MAEA: variants seen among roughly 807,000 people sequenced by gnomAD.
The protein encoded by MAEA is macrophage erythroblast attacher, E3 ubiquitin ligase, also known as E3 ubiquitin-protein transferase MAEA.
In MAEA, 22 loss-of-function variants were observed where a neutral mutation model predicts 46.2. The ratio of observed to expected loss-of-function variants is 0.48; its 90% CI spans 0.34 to 0.68. The LOEUF (loss-of-function observed/expected upper bound fraction) is 0.68, where lower values mean the gene tolerates loss of function less well. MAEA is among the 30% of genes least tolerant of loss of function. MAEA has a pLI of 0.01. For synonymous variants in MAEA, 246 were observed against 222.6 expected (o/e 1.11, Z -0.94); for missense variants, 393 against 558.1 (o/e 0.70, Z 2.98).
At chr4:1,321,057 G>A (rs192602740) in intron 3 of MAEA, among the ~76,000 whole-genome samples, 17 of 152,248 alleles carry the variant, frequency 1.1e-4, no homozygotes, top group East Asian at 1.9e-4. Context: ...TGGAGATTGC[G>A]CCACTGCACT....
intron 3 of MAEA, 101 bp downstream of exon 3, chr4:1,315,701 C>G: frequency 2.7e-6 from 3 of 1,098,132 alleles, no homozygotes; most frequent in Non-Finnish European, 4.0e-6. Context: ...TCCCTACATG[C>G]TTGTGTTCCC....
intron 5 of MAEA, chr4:1,330,310 T>TTCTCTCTCTCTCTGTC (rs1553868467): frequency 7.7e-6 from 1 of 130,244 alleles, no homozygotes; most frequent in East Asian, 2.0e-4. Flanking sequence ...TTCTGGGTGT[T>TTCTCTCTCTCTCTGTC]TCTCTCTCTC....
chr4:1,324,641 G>T (rs1307246940), intron 4 of MAEA, among the ~76,000 whole-genome samples: 1 of 139,506 alleles, frequency 7.2e-6, no homozygotes. Flanking sequence ...CCTGGTGTTG[G>T]ATGAGTTGAG....
chr4:1,333,341 CAAA>C (rs113840820), intron 6 of MAEA, among the ~76,000 whole-genome samples: 1 of 133,638 alleles, frequency 7.5e-6, no homozygotes, highest in African/African-American at 2.8e-5. Flanking sequence ...ACCTTGTCTC[CAAA>C]AAAAAAAAAA....
intron 2 of MAEA, 82 bp from the exon 3 acceptor site, chr4:1,315,315 G>A: frequency 7.5e-7 from 1 of 1,324,772 alleles, no homozygotes; most frequent in Middle Eastern, 1.9e-4. Context: ...TGAGTGTTGT[G>A]GATTGGGGCA....
rs142421960 is a variant in MAEA, at chr4:1,321,179, G to A, written c.457-1202G>A. On this transcript the variant is annotated intron_variant, in intron 3 of 8. Coordinates refer to ENST00000303400, the MANE Select transcript of MAEA (RefSeq NM_001017405.3). ...AAGAATAATCAACATGCAAGAAAAC[G>A]CTATGAAGGGGCTTCAGAAAAGAAA... Among the ~76,000 whole-genome samples the A allele has an allele frequency of 2.8e-3, 419 of 151,896 alleles. 3 individuals carry two copies. The highest frequency in any genetic ancestry group is 9.6e-3 in the African/African-American group (396 of 41,432).
intron 2 of MAEA, 185 bp downstream of exon 2, chr4:1,312,346 A>G (rs1305422861): frequency 5.0e-6 from 3 of 602,430 alleles, no homozygotes; most frequent in African/African-American, 1.9e-5. Context: ...CTGTTCCTGT[A>G]GGGACCGTGT....
At chr4:1,304,714 C>T (rs1577149746) in intron 1 of MAEA, among the ~76,000 whole-genome samples, 1 of 152,274 alleles carries the variant, frequency 6.6e-6, no homozygotes, top group African/African-American at 2.4e-5. Context: ...GCTGGGATTA[C>T]AGGCATGAAC....
At chr4:1,304,156 G>A (rs1048367072) in intron 1 of MAEA, among the ~76,000 whole-genome samples, 4 of 152,318 alleles carry the variant, frequency 2.6e-5, no homozygotes, top group South Asian at 2.1e-4. Context: ...TCTGTGAGCC[G>A]CATGTGGCTG....
Position 1,303,016 on chromosome 4 carries a change from A to C in MAEA, c.70-8963A>C, listed in dbSNP as rs192264318. Among the ~76,000 whole-genome samples, 500 of 152,156 alleles carry C rather than the reference A, an allele frequency of 3.3e-3. 3 individuals are homozygous for C. The highest frequency in any genetic ancestry group is 5.2e-3 in the Non-Finnish European group (354 of 67,996). Reference sequence around the variant, plus strand: ...TCGGAAAACAACCTGGCCGTTCTTCAGGTGACACACGGAGTTACCATAGGA... The same window carrying C: ...TCGGAAAACAACCTGGCCGTTCTTCCGGTGACACACGGAGTTACCATAGGA... On this transcript the variant is annotated intron_variant, in intron 1 of 8. Transcript: ENST00000303400.
At chr4:1,317,282 C>A (rs190373078) in intron 3 of MAEA, among the ~76,000 whole-genome samples, 315 of 141,992 alleles carry the variant, frequency 2.2e-3, no homozygotes, top group Non-Finnish European at 3.5e-3. Context: ...ACTCCAGACT[C>A]ACCTGCAGGC....
At chr4:1,336,399 C>T (rs543127935) in intron 6 of MAEA, among the ~76,000 whole-genome samples, 1 of 152,218 alleles carries the variant, frequency 6.6e-6, no homozygotes, top group East Asian at 1.9e-4. Flanking sequence ...CAGCACTCAC[C>T]CCACAGCATG....
intron 1 of MAEA, chr4:1,310,140 C>G (rs574661359): frequency 1.9e-6 from 1 of 513,852 alleles, no homozygotes; most frequent in Non-Finnish European, 2.5e-6. Context: ...TGCCTTGCGT[C>G]CTTTAGAAAT....
chr4:1,297,486 G>T (rs1456921197), intron 1 of MAEA, among the ~76,000 whole-genome samples: 1 of 121,476 alleles, frequency 8.2e-6, no homozygotes, highest in Admixed American at 7.6e-5. Flanking sequence ...CATACATATA[G>T]AGAGAGAGCA....
At chr4:1,317,743 C>T (rs1305322560) in intron 3 of MAEA, among the ~76,000 whole-genome samples, 1 of 152,206 alleles carries the variant, frequency 6.6e-6, no homozygotes, top group East Asian at 1.9e-4. Context: ...ACAGCTGTGC[C>T]ATGAGTTGAT....
intron 4 of MAEA, chr4:1,323,617 C>T: frequency 1.4e-6 from 1 of 702,526 alleles, no homozygotes; most frequent in South Asian, 1.5e-5. Context: ...TGGTATGTAA[C>T]CTGCGGCCCC....
intron 1 of MAEA, chr4:1,298,123 T>A: frequency 2.2e-6 from 1 of 454,956 alleles, no homozygotes; most frequent in Non-Finnish European, 4.4e-6. Flanking sequence ...CAGGTACTGT[T>A]CCATATGCCC....
Position 1,326,630 on chromosome 4 carries a change from G to A in MAEA, c.580-997G>A, listed in dbSNP as rs1346772727. On this transcript the variant is annotated intron_variant, in intron 4 of 8. Transcript: ENST00000303400. Reference sequence around the variant, plus strand: ...TCCTGCAGGAGCTTCCCCCACCCCCGCCCCTGCCTCAGGCATAGTGCCTTC... The same window carrying A: ...TCCTGCAGGAGCTTCCCCCACCCCCACCCCTGCCTCAGGCATAGTGCCTTC... Among the ~76,000 whole-genome samples the A allele has an allele frequency of 1.0e-4, 6 of 58,022 alleles. No homozygotes were observed. In the Admixed American group the frequency reaches 1.2e-3, roughly 11 times the overall value. The allele number at this position is 58,022 out of a possible 152,430, so 38.1% of individuals were successfully genotyped here. A position where few individuals can be genotyped will look rare whatever the true frequency, so the allele number is the denominator to read the frequency against.
chr4:1,309,427 G>C (rs1325724738), intron 1 of MAEA: 2 of 1,270,694 alleles, frequency 1.6e-6, no homozygotes, highest in Admixed American at 3.7e-5. Flanking sequence ...AAGAGGAGGC[G>C]GTGCTTTCCG....
Sources: gnomAD v4.1 joint callset for allele counts (sites outside exome capture counted in the v4.1 genomes callset) on GRCh38, gnomAD v4.1.1 for gene constraint, MANE v1.5 for transcripts, NCBI Gene and HGNC (gene_info 2026-07-23, HGNC 2026-07-21) for gene names.